Variants in PIEZO2 observed in about 807,000 individuals in gnomAD.
The protein encoded by PIEZO2 is piezo-type mechanosensitive ion channel component 2.
A neutral mutation model predicts 337.3 loss-of-function variants in PIEZO2; 172 were observed. The observed-to-expected ratio is 0.51, with a 90% CI of 0.45 to 0.58. The LOEUF (loss-of-function observed/expected upper bound fraction) is 0.58. PIEZO2 is among the 20% of genes least tolerant of loss of function. The pLI is 0.00. For synonymous variants in PIEZO2, 1,251 were observed against 1,228.5 expected, an observed-to-expected ratio of 1.02 and a Z score of -0.38; for missense variants, 3,028 against 3,391.3, an observed-to-expected ratio of 0.89 and a Z score of 2.66.
chr18:10,708,507 T>A (rs1290737459), intron 39 of PIEZO2, 68 bp from the exon 40 acceptor site: 2 of 152,472 alleles, frequency 1.3e-5, no homozygotes, highest in African/African-American at 4.8e-5. Context: ...TACACACGGA[T>A]CAACTGACCA....
At chr18:10,761,190 C>T (rs2038115339) in intron 23 of PIEZO2, 79 bp from the exon 24 acceptor site, 2 of 1,242,186 alleles carry the variant, frequency 1.6e-6, no homozygotes, top group Admixed American at 4.0e-5. Context: ...ACATTCTGCA[C>T]AGCTACAAGG....
intron 52 of PIEZO2, among the ~76,000 whole-genome samples, chr18:10,679,574 C>T (rs1231335292): frequency 6.6e-6 from 1 of 152,152 alleles, no homozygotes; most frequent in African/African-American, 2.4e-5. Flanking sequence ...TCACTTGATG[C>T]TCTGCCTTCA....
At chr18:10,790,498 A>G (rs968987509) in intron 14 of PIEZO2, among the ~76,000 whole-genome samples, 3 of 152,366 alleles carry the variant, frequency 2.0e-5, no homozygotes, top group Non-Finnish European at 4.4e-5. Flanking sequence ...GTCTAAAATT[A>G]TCAAGGTGAT....
At chr18:10,832,822 C>T (rs971736451) in intron 7 of PIEZO2, among the ~76,000 whole-genome samples, 6 of 152,190 alleles carry the variant, frequency 3.9e-5, no homozygotes, top group Admixed American at 6.5e-5. Context: ...ATTCCGGGTT[C>T]CCAAGTCAGG....
At chr18:10,908,131 G>A (rs925718778) in intron 4 of PIEZO2, among the ~76,000 whole-genome samples, 8 of 152,206 alleles carry the variant, frequency 5.3e-5, no homozygotes, top group African/African-American at 1.9e-4. Context: ...TAATCACACA[G>A]CTTCCAGAGA....
chr18:10,841,893 G>A (rs2041206167), intron 7 of PIEZO2, among the ~76,000 whole-genome samples: 1 of 152,152 alleles, frequency 6.6e-6, no homozygotes, highest in Non-Finnish European at 1.5e-5. Context: ...GCAGGGCGTG[G>A]TGGCTCACAC....
rs114020279 is a variant in PIEZO2, at chr18:10,854,027, T to C, written c.917+1326A>G. ...TACTGTGCTCCTCTGAACTAGACAG[T>C]TGCTGCCTCCACTCTCTATGCAGGC... is the stretch of plus-strand genomic sequence containing the variant. On this transcript the variant is annotated intron_variant, in intron 7 of 55. Coordinates refer to ENST00000674853, the MANE Select transcript of PIEZO2 (RefSeq NM_001378183.1). This position sits in a 1 kb window ranked among gnomAD's most constrained non-coding sequence, Gnocchi z 4.6. Among the ~76,000 whole-genome samples the C allele has an allele frequency of 0.017, 2,632 of 152,312 alleles. 64 individuals carry two copies. The highest frequency in any genetic ancestry group is 0.056 in the African/African-American group (2,308 of 41,572).
At chr18:10,807,337 T>C in intron 7 of PIEZO2, 63 bp from the exon 8 acceptor site, 1 of 1,429,562 alleles carries the variant, frequency 7.0e-7, no homozygotes, top group Non-Finnish European at 9.4e-7. Flanking sequence ...CAACATTGAA[T>C]AAAAGTACTT....
At chr18:10,844,108 C>A (rs1223671614) in intron 7 of PIEZO2, among the ~76,000 whole-genome samples, 1 of 152,188 alleles carries the variant, frequency 6.6e-6, no homozygotes, top group East Asian at 1.9e-4. Context: ...TGGGCTCAAA[C>A]CCTGGTTCTG....
rs1567944719 is a variant in PIEZO2, at chr18:10,684,094, T to TCTCTCTC, written c.7498-1803_7498-1802insGAGAGAG. Among the ~76,000 whole-genome samples, 22 of 42,828 alleles carry TCTCTCTC rather than the reference T, an allele frequency of 5.1e-4. 1 individual carries two copies. Among genetic ancestry groups the TCTCTCTC allele is most frequent in the East Asian group, 4.8e-3 (7 of 1,448 alleles). The allele number at this position is 42,828 out of a possible 152,430, so 28.1% of individuals were successfully genotyped here. ...CCTTCCTTTTTCCTTCCTTCCTTCC[T>TCTCTCTC]TCTTTCTCTCTCTCTTTCTTTCTTT... is the stretch of plus-strand genomic sequence containing the variant. On this transcript the variant is annotated intron_variant, in intron 49 of 55. Transcript: ENST00000674853.
In PIEZO2 at chr18:10,752,655, G is replaced by T; in HGVS notation, c.4148C>A (p.Thr1383Lys). 1 of 1,537,150 alleles carries T rather than the reference G, an allele frequency of 6.5e-7. No homozygotes were observed. The change falls in exon 28 of 56, where the codon ACG becomes AAG. Residue 1383 changes from threonine to lysine, a missense_variant. Around this residue, in one of 5 missense-constraint regions of PIEZO2, gnomAD observed 1,925 missense variants for 2,051.9 expected, o/e 0.94. Transcript: ENST00000674853. ...ACTTACTGACAGGATATTTTTCATC[G>T]TAATCACAAAAACGTTGTATGCGAT... ...WLIAYNVFVI[T>K]MKNILSIGAC...
chr18:10,697,933 C>T, intron 44 of PIEZO2, 53 bp from the exon 45 acceptor site: 3 of 1,546,956 alleles, frequency 1.9e-6, no homozygotes, highest in Non-Finnish European at 2.6e-6. Context: ...GGTTTGTTCA[C>T]CTAAATATCC....
intron 2 of PIEZO2, among the ~76,000 whole-genome samples, chr18:11,006,958 G>A (rs1477964494): frequency 1.3e-5 from 2 of 152,106 alleles, no homozygotes; most frequent in African/African-American, 2.4e-5. Flanking sequence ...AGCATACAAT[G>A]TGTAATGATC....
rs1303417379 is a variant in PIEZO2 at position 11,069,946 on chromosome 18, A to G, written c.65-3724T>C. 6.6e-6 allele frequency among the ~76,000 whole-genome samples: 1 copy of G among 152,244 alleles called. No individual in the cohort carries two copies. The highest frequency in any genetic ancestry group is 2.4e-5 in the African/African-American group (1 of 41,460). On this transcript the variant is annotated intron_variant, in intron 1 of 55. Transcript: ENST00000674853. The surrounding 1 kb of genome is among the most constrained non-coding windows in gnomAD (Gnocchi z 4.9). ...TAGCTACAAATAATACTTAGAAATA[A>G]ATCTAACCAAGGAGGTGAAAGACCT...
intron 23 of PIEZO2, among the ~76,000 whole-genome samples, chr18:10,761,456 A>G (rs1163543059): frequency 4.6e-5 from 7 of 152,224 alleles, no homozygotes; most frequent in Admixed American, 6.5e-5. Flanking sequence ...GTGCAAAAAC[A>G]GTACAGAGAC....
chr18:10,944,484 GTAACATATATATATATATATATC>G (rs2032900525), intron 3 of PIEZO2, among the ~76,000 whole-genome samples: 1 of 72,876 alleles, frequency 1.4e-5, no homozygotes, highest in Non-Finnish European at 2.9e-5. Flanking sequence ...ATATATCTTA[GTAACATATATATATATATATATC>G]TTAGTAACAG....
intron 7 of PIEZO2, among the ~76,000 whole-genome samples, chr18:10,811,376 G>C (rs565187275): frequency 4.9e-4 from 74 of 152,258 alleles, no homozygotes; most frequent in Non-Finnish European, 8.4e-4. Context: ...TGTATGTCTT[G>C]TCACCTTGCG....
rs1246106951 is a variant in PIEZO2, at chr18:11,148,432, G to A, written c.64+93C>T. ...CGCTGGCCTCCCGAATCGAACCCCA[G>A]AGCACCAGAGCCCTTCACTTTGTTA... On this transcript the variant is annotated intron_variant, in intron 1 of 55. Coordinates refer to ENST00000674853, the MANE Select transcript of PIEZO2 (RefSeq NM_001378183.1). This position sits in a 1 kb window ranked among gnomAD's most constrained non-coding sequence, Gnocchi z 5.2. 3 of 1,397,006 alleles carry A rather than the reference G, an allele frequency of 2.1e-6. No individual in the cohort carries two copies. The highest frequency in any genetic ancestry group is 1.4e-5 in the African/African-American group (1 of 70,086). The allele number at this position is 1,397,006 out of a possible 1,614,324, so 86.5% of individuals were successfully genotyped here.
chr18:11,079,032 A>G (rs1189045114), intron 1 of PIEZO2, among the ~76,000 whole-genome samples: 4 of 152,224 alleles, frequency 2.6e-5, no homozygotes, highest in Non-Finnish European at 4.4e-5. Context: ...TCAGGAAATT[A>G]GAGTAAGTAT....
Sources: allele counts gnomAD v4.1 joint callset (sites outside exome capture counted in the v4.1 genomes callset), GRCh38; gene constraint gnomAD v4.1.1; regional missense constraint gnomAD v4.1.1; non-coding constraint Gnocchi (gnomAD v3.1); transcripts MANE v1.5; gene names NCBI Gene and HGNC (gene_info 2026-07-23, HGNC 2026-07-21).